TRIP4: variants seen among roughly 807,000 people sequenced by gnomAD.
TRIP4 encodes activating signal cointegrator 1.
TRIP4 carries 54 observed loss-of-function variants against 81.8 expected under a neutral mutation model. The observed-to-expected ratio is 0.66, with a 90% confidence interval of 0.53 to 0.83. The LOEUF (loss-of-function observed/expected upper bound fraction) is 0.83. TRIP4 is among the 40% of genes least tolerant of loss of function. The probability of loss-of-function intolerance (pLI) is 0.00; values close to 1 mark genes in which losing one functional copy is unlikely to be tolerated. For missense variants in TRIP4, 662 were observed against 683.6 expected (o/e 0.97, Z 0.35); for synonymous variants, 270 against 242.8 (o/e 1.11, Z -1.04).
At chr15:64,402,669 G>A (rs1210112983) in intron 5 of TRIP4, among the ~76,000 whole-genome samples, 3 of 151,602 alleles carry the variant, frequency 2.0e-5, no homozygotes, top group South Asian at 2.1e-4. Flanking sequence ...GATTACAAGC[G>A]CATGCCACCT....
intron 12 of TRIP4, 116 bp downstream of exon 12, chr15:64,445,224 C>CTAT: frequency 1.8e-6 from 1 of 553,836 alleles, no homozygotes; most frequent in Non-Finnish European, 3.2e-6. Flanking sequence ...TTGAGGTAAC[C>CTAT]CACTACCTTT....
intron 9 of TRIP4, among the ~76,000 whole-genome samples, chr15:64,421,211 G>A (rs1280046232): frequency 6.6e-6 from 1 of 151,306 alleles, no homozygotes; most frequent in Non-Finnish European, 1.5e-5. Flanking sequence ...GAACCCGGGA[G>A]GTGGAGGTTG....
chr15:64,446,624 G>A (rs1892637686), intron 12 of TRIP4, among the ~76,000 whole-genome samples: 2 of 151,174 alleles, frequency 1.3e-5, no homozygotes, highest in Admixed American at 6.6e-5. Flanking sequence ...GGCTGGTCTC[G>A]AACTCCTGAC....
rs146589758 is a variant in TRIP4, at chr15:64,395,495, G to A, written c.369G>A (p.Thr123=). 7.1e-4 allele frequency: 1,138 copies of A among 1,613,654 alleles called. 1 individual carries two copies. Among genetic ancestry groups the A allele is most frequent in the African/African-American group, 2.5e-3 (185 of 74,982 alleles). ...TTCCTGCATTTACTGAACCTGACAC[G>A]ACTGCAGAGGTTAAAACACCTTTTG... ...QEVPAFTEPD[T]TAEVKTPFDL... is the part of the protein sequence containing the mutation. The change falls in exon 3 of 13, where the codon ACG becomes ACA. Residue 123 remains threonine, a synonymous_variant. Coordinates refer to ENST00000261884, the MANE Select transcript of TRIP4 (RefSeq NM_016213.5).
Position 64,387,920 on chromosome 15 carries a change from G to T in TRIP4, c.57G>T (p.Gln19His). ...GEPLVHWCTQ[Q>H]LRKTFGLDVS... ...CGCTGGTGCACTGGTGCACCCAGCA[G>T]TTGCGGAAGACTTTCGGCCTGGATG... The change falls in exon 1 of 13, where the codon CAG (glutamine) becomes CAT (histidine). Residue 19 changes from glutamine (Q) to histidine (H), a missense_variant. Transcript: ENST00000261884. 6.4e-7 allele frequency: 1 copy of T among 1,551,180 alleles called. No homozygotes were observed.
chr15:64,406,364 C>G lies in TRIP4; in HGVS notation c.732C>G (p.Thr244=), dbSNP rs1299583722. The G allele has an allele frequency of 1.2e-6, 2 of 1,614,124 alleles. No homozygotes were observed. Among genetic ancestry groups the G allele is most frequent in the Non-Finnish European group, 1.7e-6 (2 of 1,180,020 alleles). ...ATTCTGGAAAGGTGGACATCTCTAC[C>G]AAGGACCTTCTTCCTCATCAAGAAT... The part of the protein sequence containing the change: ...VENSGKVDIS[T]KDLLPHQELR... The change falls in exon 6 of 13, where the codon ACC becomes ACG. Residue 244 remains threonine, a synonymous_variant. Transcript: ENST00000261884.
intron 5 of TRIP4, among the ~76,000 whole-genome samples, chr15:64,406,079 G>A (rs559280415): frequency 6.6e-6 from 1 of 152,138 alleles, no homozygotes; most frequent in African/African-American, 2.4e-5. Flanking sequence ...ATACTTTGGT[G>A]CCCTTAGTGA....
chr15:64,398,939 C>CTTTTTT (rs71133424), intron 4 of TRIP4, among the ~76,000 whole-genome samples: 1 of 79,256 alleles, frequency 1.3e-5, no homozygotes, highest in African/African-American at 5.2e-5. Flanking sequence ...TTCTTTTTTC[C>CTTTTTT]TTTTTTTTTT....
intron 11 of TRIP4, among the ~76,000 whole-genome samples, chr15:64,436,668 C>T (rs187398916): frequency 2.5e-4 from 34 of 136,662 alleles, no homozygotes; most frequent in Middle Eastern, 4.3e-3. Flanking sequence ...GGATTAATTT[C>T]CTTCTTTGGG....
At chr15:64,400,245 C>G (rs1891461847) in intron 4 of TRIP4, among the ~76,000 whole-genome samples, 1 of 151,238 alleles carries the variant, frequency 6.6e-6, no homozygotes. Context: ...GAGTTCAGGA[C>G]CAGCCTGGGC....
intron 6 of TRIP4, among the ~76,000 whole-genome samples, chr15:64,409,072 G>T (rs553285812): frequency 2.0e-4 from 31 of 152,070 alleles, no homozygotes; most frequent in African/African-American, 7.5e-4. Flanking sequence ...AATTAGCCAG[G>T]CATGGTGTTG....
chr15:64,432,835 C>T (rs980493997), intron 11 of TRIP4, among the ~76,000 whole-genome samples: 5 of 149,116 alleles, frequency 3.4e-5, no homozygotes, highest in Non-Finnish European at 4.5e-5. Context: ...CTCTTGAACC[C>T]GGGAGGTGGA....
intron 5 of TRIP4, among the ~76,000 whole-genome samples, chr15:64,402,279 A>G (rs750440515): frequency 6.6e-6 from 1 of 151,408 alleles, no homozygotes; most frequent in Admixed American, 6.6e-5. Flanking sequence ...CTGGAGTGCA[A>G]TGGTGTGATC....
chr15:64,424,811 C>T (rs937262747), intron 10 of TRIP4, among the ~76,000 whole-genome samples: 1 of 152,094 alleles, frequency 6.6e-6, no homozygotes, highest in African/African-American at 2.4e-5. Flanking sequence ...GAGTCTCGTT[C>T]TGTAACCAGA....
At chr15:64,391,533 A>T (rs982814715) in intron 1 of TRIP4, among the ~76,000 whole-genome samples, 12 of 152,128 alleles carry the variant, frequency 7.9e-5, no homozygotes, top group African/African-American at 2.9e-4. Context: ...TTGGTCCACA[A>T]TCTGGATGAG....
At chr15:64,424,362 C>G in intron 10 of TRIP4, 1 of 599,566 alleles carries the variant, frequency 1.7e-6, no homozygotes, top group Non-Finnish European at 2.6e-6. Flanking sequence ...TATCAATTTC[C>G]AACACAAGAA....
intron 12 of TRIP4, among the ~76,000 whole-genome samples, chr15:64,449,081 G>A (rs904816568): frequency 2.6e-5 from 4 of 151,808 alleles, no homozygotes; most frequent in Non-Finnish European, 2.9e-5. Flanking sequence ...GTGTGGTGGC[G>A]TGTGCCTATA....
intron 12 of TRIP4, among the ~76,000 whole-genome samples, chr15:64,445,573 G>A (rs1397544896): frequency 2.7e-5 from 4 of 149,442 alleles, no homozygotes; most frequent in African/African-American, 9.8e-5. Flanking sequence ...GAAGGCTGAG[G>A]CAGGAGAATC....
chr15:64,406,929 G>A (rs182801055), intron 6 of TRIP4, among the ~76,000 whole-genome samples: 2 of 152,014 alleles, frequency 1.3e-5, no homozygotes, highest in East Asian at 1.9e-4. Context: ...TTCAATAATC[G>A]GTATATTAAA....
Sources: allele counts gnomAD v4.1 joint callset (sites outside exome capture counted in the v4.1 genomes callset), GRCh38; gene constraint gnomAD v4.1.1; transcripts MANE v1.5; gene names NCBI Gene and HGNC (gene_info 2026-07-23, HGNC 2026-07-21).